Variants in CASTOR2 observed in about 807,000 individuals in gnomAD.
The protein encoded by CASTOR2 is GATS protein like 2.
A neutral mutation model predicts 31.2 loss-of-function variants in CASTOR2; 8 were observed. The observed-to-expected ratio is 0.26, with a 90% CI of 0.15 to 0.46. The LOEUF (loss-of-function observed/expected upper bound fraction) is 0.46. CASTOR2 is among the 20% of genes least tolerant of loss of function. CASTOR2 has a pLI of 0.99. For synonymous variants in CASTOR2, 162 were observed against 158.7 expected, an observed-to-expected ratio of 1.02 and a Z score of -0.16; for missense variants, 216 against 382.1, an observed-to-expected ratio of 0.57 and a Z score of 3.62.
intron 1 of CASTOR2, among the ~76,000 whole-genome samples, chr7:75,001,717 C>G (rs1380782493): frequency 6.6e-6 from 1 of 152,212 alleles, no homozygotes; most frequent in Non-Finnish European, 1.5e-5. Context: ...CCATGCCCAG[C>G]CAGTGTCAGA....
intron 7 of CASTOR2, among the ~76,000 whole-genome samples, chr7:75,023,758 A>G (rs1805062563): frequency 6.6e-6 from 1 of 152,166 alleles, no homozygotes; most frequent in African/African-American, 2.4e-5. Flanking sequence ...ACACTTTTAA[A>G]TAGCCAGATC....
At chr7:75,016,407 C>G (rs1804864538) in intron 2 of CASTOR2, among the ~76,000 whole-genome samples, 1 of 152,194 alleles carries the variant, frequency 6.6e-6, no homozygotes, top group African/African-American at 2.4e-5. Context: ...CCAATGCCAG[C>G]CCCTGGGACT....
intron 7 of CASTOR2, among the ~76,000 whole-genome samples, chr7:75,022,966 G>A (rs943716208): frequency 3.9e-5 from 6 of 152,262 alleles, no homozygotes; most frequent in African/African-American, 1.2e-4. Flanking sequence ...ATATCTCCCA[G>A]AGAGTCTGAC....
Position 75,017,803 on chromosome 7 carries a change from A to G in CASTOR2, c.378+12A>G, listed in dbSNP as rs1804899644. ...CAGACTTCATCCTGGTGAGCTGACC[A>G]TCACAGACACGCCTTGCACACTCAT... On this transcript the variant is annotated intron_variant, in intron 3 of 8. Transcript: ENST00000616305. 3 of 1,613,834 alleles carry G rather than the reference A, an allele frequency of 1.9e-6. No homozygotes were observed. Among genetic ancestry groups the G allele is most frequent in the Admixed American group, 3.3e-5 (2 of 59,986 alleles).
chr7:75,005,713 G>T (rs1259696223), intron 1 of CASTOR2, among the ~76,000 whole-genome samples: 2 of 152,186 alleles, frequency 1.3e-5, no homozygotes, highest in African/African-American at 4.8e-5. Context: ...TTGCCGGCTG[G>T]GTGCAGTGGC....
chr7:74,985,667 A>G (rs1255545393), intron 1 of CASTOR2, among the ~76,000 whole-genome samples: 3,496 of 147,190 alleles, frequency 0.024, 55 homozygotes, highest in Non-Finnish European at 0.031. Flanking sequence ...CTCTGCCCTC[A>G]CTAACTGTGA....
At position 75,027,606 on chromosome 7, in the gene CASTOR2, ATG is replaced by A; in HGVS notation, c.*2913_*2914del. 5.3e-6 allele frequency: 1 copy of A among 189,670 alleles called. No homozygotes were observed. Among genetic ancestry groups the A allele is most frequent in the South Asian group, 9.2e-5 (1 of 10,824 alleles). 11.7% of individuals were successfully genotyped at this position (189,670 alleles called of 1,614,324 possible). A position where few individuals can be genotyped will look rare whatever the true frequency, so the allele number is the denominator to read the frequency against. On this transcript the variant is annotated 3_prime_UTR_variant, in exon 9 of 9. Transcript: ENST00000616305. Reference sequence around the variant, plus strand: ...CTGGCCTCGTGTCATGGAGAAAAGCATGTGTGTCGGGGCGCGCTGGGGCCAGG... The same window carrying A: ...CTGGCCTCGTGTCATGGAGAAAAGCATGTGTCGGGGCGCGCTGGGGCCAGG...
chr7:75,024,145 C>T (rs1805070343), intron 7 of CASTOR2, among the ~76,000 whole-genome samples: 1 of 152,112 alleles, frequency 6.6e-6, no homozygotes, highest in African/African-American at 2.4e-5. Flanking sequence ...AAAAAATTAG[C>T]TGGGCATGGT....
At position 75,025,789 on chromosome 7, in the gene CASTOR2, T is replaced by G. The variant is rs1805112193; in HGVS notation, c.*1090T>G. 6.6e-6 allele frequency among the ~76,000 whole-genome samples: 1 copy of G among 152,230 alleles called. No homozygotes were observed. The highest frequency in any genetic ancestry group is 2.4e-5 in the African/African-American group (1 of 41,456). On this transcript the variant is annotated 3_prime_UTR_variant, in exon 9 of 9. Transcript: ENST00000616305. ...GGTGCTCTTGGCGGTAGTTTCTGTTTGGCAGGGATAGGACCTGTTTGAGTT... is the reference window on the plus strand; with the variant it reads ...GGTGCTCTTGGCGGTAGTTTCTGTTGGGCAGGGATAGGACCTGTTTGAGTT...
intron 1 of CASTOR2, among the ~76,000 whole-genome samples, chr7:74,990,310 C>T (rs1328544234): frequency 4.0e-5 from 6 of 150,396 alleles, no homozygotes; most frequent in East Asian, 2.0e-4. Context: ...ATGGAGTGAA[C>T]CCGGGAGGTG....
chr7:74,982,383 C>G (rs79113585), intron 1 of CASTOR2, among the ~76,000 whole-genome samples: 3,640 of 151,610 alleles, frequency 0.024, 71 homozygotes, highest in Non-Finnish European at 0.03. Flanking sequence ...CCCAGCCACC[C>G]AGGGCTTGGC....
intron 1 of CASTOR2, among the ~76,000 whole-genome samples, chr7:74,983,028 G>A (rs1554436404): frequency 1.8e-5 from 1 of 54,290 alleles, no homozygotes; most frequent in East Asian, 6.7e-4. Flanking sequence ...TTTTGGTGGC[G>A]GGGACAGAGT....
rs587606119 is a variant in CASTOR2, at chr7:74,991,074, G to GAAA, written c.114-16908_114-16906dup. Among the ~76,000 whole-genome samples, 132 of 136,490 alleles carry GAAA rather than the reference G, an allele frequency of 9.7e-4. 2 individuals carry two copies. Among genetic ancestry groups the GAAA allele is most frequent in the East Asian group, 2.1e-3 (10 of 4,714 alleles). The allele number at this position is 136,490 out of a possible 152,430, so 89.5% of individuals were successfully genotyped here. A position where few individuals can be genotyped will look rare whatever the true frequency, so the allele number is the denominator to read the frequency against. On this transcript the variant is annotated intron_variant, in intron 1 of 8. Transcript: ENST00000616305. Reference sequence around the variant, plus strand: ...GGGTGACAGAGCAAGACCCTGTCTGGAAAAAAAAAAAAAAGGAAAAGAAAA... The same window carrying GAAA: ...GGGTGACAGAGCAAGACCCTGTCTGGAAAAAAAAAAAAAAAAAGGAAAAGAAAA...
chr7:75,009,410 G>A (rs1437266465), intron 2 of CASTOR2, among the ~76,000 whole-genome samples: 27 of 150,612 alleles, frequency 1.8e-4, no homozygotes, highest in African/African-American at 6.6e-4. Context: ...TGGGACTACA[G>A]GCGCCCGCCA....
intron 6 of CASTOR2, among the ~76,000 whole-genome samples, chr7:75,020,516 A>G (rs1426130959): frequency 2.7e-3 from 285 of 103,660 alleles, no homozygotes; most frequent in Middle Eastern, 7.6e-3. Flanking sequence ...TTTTAGACGG[A>G]GTCTCGCTCT....
intron 1 of CASTOR2, among the ~76,000 whole-genome samples, chr7:75,001,888 A>G (rs1271661040): frequency 6.6e-6 from 1 of 152,134 alleles, no homozygotes; most frequent in East Asian, 1.9e-4. Flanking sequence ...CTCTAAGGGC[A>G]TACTTCACAT....
intron 1 of CASTOR2, among the ~76,000 whole-genome samples, chr7:75,000,384 G>A (rs1804465208): frequency 6.6e-6 from 1 of 152,254 alleles, no homozygotes; most frequent in African/African-American, 2.4e-5. Context: ...TAGGCTGCAG[G>A]AGATGTGGCC....
chr7:74,985,192 A>G (rs1804033828), intron 1 of CASTOR2, among the ~76,000 whole-genome samples: 1 of 152,134 alleles, frequency 6.6e-6, no homozygotes, highest in African/African-American at 2.4e-5. Flanking sequence ...AGGGTGGGCC[A>G]GTGAGGCTCT....
intron 1 of CASTOR2, among the ~76,000 whole-genome samples, chr7:74,989,738 T>C (rs1405920921): frequency 2.0e-5 from 3 of 152,040 alleles, no homozygotes; most frequent in South Asian, 2.1e-4. Flanking sequence ...AAATAATTTA[T>C]TGAGCAAAAT....
Sources: allele counts gnomAD v4.1 joint callset (sites outside exome capture counted in the v4.1 genomes callset), GRCh38; gene constraint gnomAD v4.1.1; transcripts MANE v1.5; gene names NCBI Gene and HGNC (gene_info 2026-07-23, HGNC 2026-07-21).